SLC4A10: variants seen among roughly 807,000 people sequenced by gnomAD.
SLC4A10 encodes the protein sodium-driven chloride bicarbonate exchanger.
Under a neutral mutation model 137.7 loss-of-function variants are expected in SLC4A10, and 42 were observed. The observed-to-expected ratio is 0.30, with a 90% CI of 0.24 to 0.39. SLC4A10 has a LOEUF of 0.39. Among genes scored for constraint, SLC4A10 ranks in the 10% least tolerant of loss-of-function variants. The pLI, the probability that SLC4A10 is intolerant of heterozygous loss-of-function variation, is 1.00. For synonymous variants in SLC4A10, 474 were observed against 464.1 expected (o/e 1.02, Z -0.27); for missense variants, 925 against 1,355.0 (o/e 0.68, Z 4.98).
intron 1 of SLC4A10, among the ~76,000 whole-genome samples, chr2:161,703,510 C>T (rs2043342122): frequency 6.6e-6 from 1 of 151,228 alleles, no homozygotes; most frequent in Admixed American, 6.6e-5. Flanking sequence ...GATGATTCTC[C>T]CCACTTTTTT....
Position 161,836,508 on chromosome 2 carries a change from G to GAA in SLC4A10, c.278-3279_278-3278dup, listed in dbSNP as rs772335303. Reference sequence around the variant, plus strand: ...GTGAAAGAAAGAAAAGGAAGAAAAAGAAAGAAAGAAAGAGAGAGAGAGAGA... The same window carrying GAA: ...GTGAAAGAAAGAAAAGGAAGAAAAAGAAAAAGAAAGAAAGAGAGAGAGAGAGA... On this transcript the variant is annotated intron_variant, in intron 3 of 26. Transcript: ENST00000446997. Among the ~76,000 whole-genome samples, 250 of 114,392 alleles carry GAA rather than the reference G, an allele frequency of 2.2e-3. 3 individuals are homozygous for GAA. Among genetic ancestry groups the GAA allele is most frequent in the Middle Eastern group, 4.3e-3 (1 of 234 alleles). 75.0% of individuals were successfully genotyped at this position (114,392 alleles called of 152,430 possible). A position where few individuals can be genotyped will look rare whatever the true frequency, so the allele number is the denominator to read the frequency against.
intron 15 of SLC4A10, among the ~76,000 whole-genome samples, chr2:161,909,321 T>C (rs1559513338): frequency 6.6e-6 from 1 of 152,150 alleles, no homozygotes; most frequent in East Asian, 1.9e-4. Flanking sequence ...TAAAAAGTGA[T>C]CCCGCATGTT....
At chr2:161,734,933 G>C (rs989466086) in intron 1 of SLC4A10, among the ~76,000 whole-genome samples, 4 of 151,894 alleles carry the variant, frequency 2.6e-5, no homozygotes, top group Non-Finnish European at 5.9e-5. Context: ...GTTCTCATGA[G>C]GTCTGATGGT....
At chr2:161,738,144 G>A (rs569293102) in intron 1 of SLC4A10, among the ~76,000 whole-genome samples, 12 of 152,306 alleles carry the variant, frequency 7.9e-5, no homozygotes, top group Non-Finnish European at 4.4e-5. Context: ...CAGAATTTGA[G>A]AGAGAACTTA....
At chr2:161,685,637 A>T (rs1369377812) in intron 1 of SLC4A10, among the ~76,000 whole-genome samples, 1 of 110,810 alleles carries the variant, frequency 9.0e-6, no homozygotes, top group African/African-American at 3.7e-5. Context: ...CAAACAAACA[A>T]AAAAAAAAAC....
chr2:161,660,602 T>A (rs1482829429), intron 1 of SLC4A10, among the ~76,000 whole-genome samples: 2 of 149,424 alleles, frequency 1.3e-5, no homozygotes, highest in Non-Finnish European at 3.0e-5. Context: ...CTTTCTTTCT[T>A]TCTTTCTTTC....
intron 1 of SLC4A10, among the ~76,000 whole-genome samples, chr2:161,647,796 C>T (rs1007563625): frequency 1.3e-5 from 2 of 152,096 alleles, no homozygotes; most frequent in African/African-American, 4.8e-5. Flanking sequence ...ATATTTTATA[C>T]GTTATAAATC....
At chr2:161,877,071 T>C (rs1042078015) in intron 8 of SLC4A10, among the ~76,000 whole-genome samples, 4 of 152,092 alleles carry the variant, frequency 2.6e-5, no homozygotes, top group Non-Finnish European at 4.4e-5. Context: ...GTAATGACCA[T>C]ATATTTTCTT....
intron 2 of SLC4A10, among the ~76,000 whole-genome samples, chr2:161,790,348 A>G (rs549748651): frequency 3.2e-4 from 48 of 152,252 alleles, no homozygotes; most frequent in African/African-American, 1.2e-3. Context: ...TCTCTGCTGT[A>G]CCACAAAATA....
chr2:161,724,189 C>G (rs2045983168), intron 1 of SLC4A10, among the ~76,000 whole-genome samples: 1 of 152,192 alleles, frequency 6.6e-6, no homozygotes, highest in South Asian at 2.1e-4. Flanking sequence ...CCCCTCACCT[C>G]AACCATCCAA....
intron 1 of SLC4A10, among the ~76,000 whole-genome samples, chr2:161,764,635 G>A (rs2050602207): frequency 6.6e-6 from 1 of 152,100 alleles, no homozygotes; most frequent in Non-Finnish European, 1.5e-5. Context: ...TCAGAATAAT[G>A]TATTTTTTTA....
chr2:161,935,770 C>A (rs894287918), intron 15 of SLC4A10, among the ~76,000 whole-genome samples: 1 of 151,844 alleles, frequency 6.6e-6, no homozygotes, highest in East Asian at 1.9e-4. Context: ...ATTTGGATGC[C>A]TTTTATTTCT....
intron 4 of SLC4A10, among the ~76,000 whole-genome samples, chr2:161,850,010 G>C (rs948663334): frequency 6.6e-6 from 1 of 152,174 alleles, no homozygotes; most frequent in Non-Finnish European, 1.5e-5. Flanking sequence ...GACTCCATCT[G>C]ATCCAAGGCT....
At chr2:161,669,904 A>G (rs2039496467) in intron 1 of SLC4A10, among the ~76,000 whole-genome samples, 1 of 152,084 alleles carries the variant, frequency 6.6e-6, no homozygotes, top group Admixed American at 6.6e-5. Flanking sequence ...TATATTCTGC[A>G]AAGACTAAAG....
chr2:161,686,697 G>A lies in SLC4A10; in HGVS notation c.48+62131G>A, dbSNP rs148789921. Among the ~76,000 whole-genome samples, 537 of 152,230 alleles carry A rather than the reference G, an allele frequency of 3.5e-3. 3 individuals are homozygous for A. The highest frequency in any genetic ancestry group is 0.012 in the African/African-American group (506 of 41,550). On this transcript the variant is annotated intron_variant, in intron 1 of 26. Coordinates refer to ENST00000446997, the MANE Select transcript of SLC4A10 (RefSeq NM_001178015.2). The stretch of plus-strand genomic sequence containing the variant: ...ATGTATGCCTTTATAATAATAGATT[G>A]ATGCCCTGACATTGGCATTAGGTTG...
At chr2:161,828,650 G>T (rs1317551686) in intron 3 of SLC4A10, among the ~76,000 whole-genome samples, 1 of 145,194 alleles carries the variant, frequency 6.9e-6, no homozygotes, top group African/African-American at 2.5e-5. Flanking sequence ...CTTCTCTCTG[G>T]TATTTTTTCA....
intron 19 of SLC4A10, among the ~76,000 whole-genome samples, chr2:161,951,826 A>G (rs1201234106): frequency 6.6e-6 from 1 of 152,170 alleles, no homozygotes; most frequent in African/African-American, 2.4e-5. Context: ...AATAATAATT[A>G]CATAAATGTA....
chr2:161,821,814 G>A (rs2057647533), intron 3 of SLC4A10, among the ~76,000 whole-genome samples: 1 of 152,136 alleles, frequency 6.6e-6, no homozygotes, highest in Admixed American at 6.6e-5. Context: ...TTAAAAATAT[G>A]TTAGTAGGAT....
At chr2:161,689,540 G>T (rs561290933) in intron 1 of SLC4A10, among the ~76,000 whole-genome samples, 1 of 152,248 alleles carries the variant, frequency 6.6e-6, no homozygotes, top group South Asian at 2.1e-4. Flanking sequence ...ATCCCCTCCA[G>T]ATTTTAAGTA....
Sources: allele counts gnomAD v4.1 joint callset (sites outside exome capture counted in the v4.1 genomes callset), GRCh38; gene constraint gnomAD v4.1.1; transcripts MANE v1.5; gene names NCBI Gene and HGNC (gene_info 2026-07-23, HGNC 2026-07-21).